The following SCFD1 variants were observed in gnomAD, a reference collection of about 807,000 sequenced individuals.
SCFD1 encodes the protein sec1 family domain-containing protein 1.
Under a neutral mutation model 103.2 loss-of-function variants are expected in SCFD1, and 37 were observed. The observed-to-expected ratio is 0.36, with a 90% CI of 0.28 to 0.47. The LOEUF (loss-of-function observed/expected upper bound fraction) is 0.47. Ranked by LOEUF, SCFD1 falls within the 20% of genes least tolerant of loss-of-function variation. The pLI, the probability that SCFD1 is intolerant of heterozygous loss-of-function variation, is 1.00. For synonymous variants in SCFD1, 264 were observed against 245.0 expected, an observed-to-expected ratio of 1.08 and a Z score of -0.73; for missense variants, 639 against 761.2, an observed-to-expected ratio of 0.84 and a Z score of 1.89.
chr14:30,672,638 C>T (rs1233719457), intron 11 of SCFD1, among the ~76,000 whole-genome samples: 2 of 152,172 alleles, frequency 1.3e-5, no homozygotes, highest in African/African-American at 4.8e-5. Flanking sequence ...TACCTGAGTG[C>T]TCATGATTGC....
chr14:30,710,790 A>C (rs1006327481), intron 19 of SCFD1, among the ~76,000 whole-genome samples: 1 of 152,224 alleles, frequency 6.6e-6, no homozygotes, highest in African/African-American at 2.4e-5. Flanking sequence ...ACTGAGAGGT[A>C]AGAGGTATCA....
intron 11 of SCFD1, among the ~76,000 whole-genome samples, chr14:30,670,773 T>G (rs1429840865): frequency 1.3e-5 from 2 of 152,132 alleles, no homozygotes; most frequent in African/African-American, 2.4e-5. Context: ...CATGTAAACC[T>G]TGTTTTAGAT....
Position 30,675,078 on chromosome 14 carries a change from T to A in SCFD1, c.1242+13T>A, listed in dbSNP as rs2139225998. The A allele has an allele frequency of 2.1e-6, 3 of 1,452,752 alleles. No individual in the cohort carries two copies. The highest frequency in any genetic ancestry group is 2.8e-6 in the Non-Finnish European group (3 of 1,060,124). 90.0% of individuals were successfully genotyped at this position (1,452,752 alleles called of 1,614,324 possible). A position where few individuals can be genotyped will look rare whatever the true frequency, so the allele number is the denominator to read the frequency against. On this transcript the variant is annotated intron_variant, in intron 14 of 24. Coordinates refer to ENST00000458591, the MANE Select transcript of SCFD1 (RefSeq NM_016106.4). ...AGAACATATAAAGGTAAATTTAACT[T>A]TTTCCCCCCCACAATATGACTTGCA...
At chr14:30,654,481 C>T (rs912788248) in intron 10 of SCFD1, among the ~76,000 whole-genome samples, 1 of 152,192 alleles carries the variant, frequency 6.6e-6, no homozygotes, top group Non-Finnish European at 1.5e-5. Context: ...AAAGACCAGC[C>T]TGGCCAACGT....
At chr14:30,629,819 G>T (rs10137761) in intron 2 of SCFD1, among the ~76,000 whole-genome samples, 1,786 of 151,960 alleles carry the variant, frequency 0.012, 33 homozygotes, top group African/African-American at 0.04. Flanking sequence ...CTAGTGATCC[G>T]CCCACCTCGG....
chr14:30,674,136 A>G, intron 13 of SCFD1, 139 bp downstream of exon 13: 1 of 620,890 alleles, frequency 1.6e-6, no homozygotes, highest in South Asian at 2.1e-5. Context: ...AAAGAACTAA[A>G]TTGTATTTAG....
In SCFD1 at chr14:30,639,619, C is replaced by G. The variant is rs192181526; in HGVS notation, c.436-158C>G. ...CTTAACTTACTCTTTACTCCTCATTCTTGTTCAATTAGGCTGTTACACAGT... is the reference window on the plus strand; with the variant it reads ...CTTAACTTACTCTTTACTCCTCATTGTTGTTCAATTAGGCTGTTACACAGT... On this transcript the variant is annotated intron_variant, in intron 5 of 24. Transcript: ENST00000458591. 3.3e-3 allele frequency among the ~76,000 whole-genome samples: 495 copies of G among 152,218 alleles called. 1 individual carries two copies. The highest frequency in any genetic ancestry group is 6.2e-3 in the Admixed American group (95 of 15,290).
chr14:30,696,797 C>G (rs997194810), intron 15 of SCFD1, among the ~76,000 whole-genome samples: 1 of 152,028 alleles, frequency 6.6e-6, no homozygotes, highest in Non-Finnish European at 1.5e-5. Flanking sequence ...GAAATCAGAG[C>G]TCAAGTGAAG....
chr14:30,713,631 A>C (rs1200819880), intron 19 of SCFD1, among the ~76,000 whole-genome samples: 1 of 152,208 alleles, frequency 6.6e-6, no homozygotes, highest in Non-Finnish European at 1.5e-5. Context: ...ACTTCCAATT[A>C]TTTTCACAAA....
intron 7 of SCFD1, among the ~76,000 whole-genome samples, chr14:30,644,714 G>T (rs559773282): frequency 6.6e-6 from 1 of 151,988 alleles, no homozygotes; most frequent in South Asian, 2.1e-4. Flanking sequence ...TTTGCTTGTC[G>T]ATTTGTTTAA....
chr14:30,649,148 A>G (rs229207), intron 7 of SCFD1, among the ~76,000 whole-genome samples: 64,426 of 151,904 alleles, frequency 0.42, 16,609 homozygotes, highest in African/African-American at 0.7. Flanking sequence ...TCTGAAACTT[A>G]TTTTTACCCT....
chr14:30,625,301 AATGCTT>A (rs1276053750), intron 1 of SCFD1, among the ~76,000 whole-genome samples: 2 of 152,130 alleles, frequency 1.3e-5, no homozygotes, highest in Non-Finnish European at 2.9e-5. Context: ...CCTTATCCAA[AATGCTT>A]GCGACCAGGA....
intron 23 of SCFD1, among the ~76,000 whole-genome samples, chr14:30,730,479 T>C (rs578107711): frequency 3.6e-4 from 55 of 152,336 alleles, no homozygotes; most frequent in African/African-American, 1.2e-3. Flanking sequence ...CCACCAACAG[T>C]GTAAAAGTGT....
In SCFD1 at chr14:30,682,106, A is replaced by G. The variant is rs148324150; in HGVS notation, c.1242+7041A>G. ...TAACAAGTTGAGGTTATACATTCTG[A>G]TTTGGTCCTGGAATGCTAGAAATTC... On this transcript the variant is annotated intron_variant, in intron 14 of 24. Transcript: ENST00000458591. Among the ~76,000 whole-genome samples the G allele has an allele frequency of 3.7e-3, 561 of 152,288 alleles. 7 individuals are homozygous for G. Among genetic ancestry groups the G allele is most frequent in the African/African-American group, 0.013 (531 of 41,572 alleles).
chr14:30,635,327 A>G (rs1314600505), intron 4 of SCFD1, among the ~76,000 whole-genome samples: 1 of 152,172 alleles, frequency 6.6e-6, no homozygotes, highest in Non-Finnish European at 1.5e-5. Context: ...GGTTTTTAAT[A>G]TAGTCACAGA....
At chr14:30,696,088 T>G (rs1890680479) in intron 15 of SCFD1, among the ~76,000 whole-genome samples, 1 of 152,222 alleles carries the variant, frequency 6.6e-6, no homozygotes, top group South Asian at 2.1e-4. Context: ...GGACCCATTT[T>G]GCATATAAGC....
At chr14:30,640,751 G>T (rs1885189553) in intron 6 of SCFD1, among the ~76,000 whole-genome samples, 1 of 151,850 alleles carries the variant, frequency 6.6e-6, no homozygotes, top group South Asian at 2.1e-4. Context: ...AGCAAAATCT[G>T]CCCAAGTGTT....
Position 30,673,828 on chromosome 14 carries a change from A to T in SCFD1, c.1087-96A>T. Reference sequence around the variant, plus strand: ...CTTAAAAATCTTACGGTATATCAATAATCTTAGGATATTTGCTCCAATCTT... The same window carrying T: ...CTTAAAAATCTTACGGTATATCAATTATCTTAGGATATTTGCTCCAATCTT... On this transcript the variant is annotated intron_variant, in intron 12 of 24. Transcript: ENST00000458591. 3 of 842,070 alleles carry T rather than the reference A, an allele frequency of 3.6e-6. No individual in the cohort carries two copies. The South Asian group carries it at 4.2e-5, about 12-fold the overall frequency. 52.2% of individuals were successfully genotyped at this position (842,070 alleles called of 1,614,324 possible).
chr14:30,663,398 T>C (rs1887621359), intron 10 of SCFD1, among the ~76,000 whole-genome samples: 1 of 152,228 alleles, frequency 6.6e-6, no homozygotes, highest in Non-Finnish European at 1.5e-5. Context: ...ATGTAGCTGT[T>C]ACTGTTTAAA....
Sources: gnomAD v4.1 joint callset for allele counts (sites outside exome capture counted in the v4.1 genomes callset) on GRCh38, gnomAD v4.1.1 for gene constraint, MANE v1.5 for transcripts, NCBI Gene and HGNC (gene_info 2026-07-23, HGNC 2026-07-21) for gene names.